ADM2: variants seen among roughly 807,000 people sequenced by gnomAD.
ADM2 encodes adrenomedullin 2.
Under a neutral mutation model 7.1 loss-of-function variants are expected in ADM2, and 5 were observed. That is an observed-to-expected ratio of 0.71 (90% CI 0.37 to 1.49). The LOEUF (loss-of-function observed/expected upper bound fraction) is 1.49. Ranked by LOEUF, ADM2 falls within the 40% of genes most tolerant of loss-of-function variation. ADM2 has a pLI of 0.03. For synonymous variants in ADM2, 123 were observed against 92.8 expected, an observed-to-expected ratio of 1.33 and a Z score of -1.87; for missense variants, 236 against 211.2, an observed-to-expected ratio of 1.12 and a Z score of -0.73.
chr22:50,482,610 C>G lies in ADM2; in HGVS notation c.154C>G (p.His52Asp), dbSNP rs772629657. The G allele has an allele frequency of 4.7e-6, 7 of 1,490,708 alleles. No individual in the cohort carries two copies. The highest frequency in any genetic ancestry group is 1.8e-4 in the Middle Eastern group (1 of 5,568). The allele number at this position is 1,490,708 out of a possible 1,614,324, so 92.3% of individuals were successfully genotyped here. ...RSPSSSLQPR[H>D]PAPRPVVWKL... ...CCCTTCCAGCAGCCTGCAGCCCAGG[C>G]ACCCCGCACCCCGACCTGTGGTCTG... is the stretch of plus-strand genomic sequence containing the variant. Residue 52 changes from histidine (H) to aspartate (D), a missense_variant, in exon 3 of 3, where the codon CAC becomes GAC. His to Asp is a moderately conservative substitution (Grantham distance 81, BLOSUM62 -1). Coordinates refer to ENST00000395737, the MANE Select transcript of ADM2 (RefSeq NM_001253845.2).
Position 50,481,883 on chromosome 22 carries a change from C to A in ADM2, c.36C>A (p.Ile12=), listed in dbSNP as rs374875530. The A allele has an allele frequency of 7.7e-5, 118 of 1,524,262 alleles. No individual in the cohort carries two copies. The highest frequency in any genetic ancestry group is 1.0e-4 in the Non-Finnish European group (115 of 1,140,024). 94.4% of individuals were successfully genotyped at this position (1,524,262 alleles called of 1,614,324 possible). A position where few individuals can be genotyped will look rare whatever the true frequency, so the allele number is the denominator to read the frequency against. The change falls in exon 2 of 3, where the codon ATC becomes ATA. Residue 12 remains isoleucine, a synonymous_variant. Coordinates refer to ENST00000395737, the MANE Select transcript of ADM2 (RefSeq NM_001253845.2). The part of the protein sequence containing the change: ...ARIPTAALGC[I]SLLCLQLPGS... ...TCCCGACGGCCGCCCTGGGTTGCAT[C>A]AGCCTCCTCTGCCTGCAGCTCCCTG...
chr22:50,481,715 A>T lies in ADM2; in HGVS notation c.-60A>T, dbSNP rs1569871. The T allele has an allele frequency of 1.3e-5, 6 of 475,788 alleles. No individual in the cohort carries two copies. Among genetic ancestry groups the T allele is most frequent in the Non-Finnish European group, 2.0e-5 (6 of 292,824 alleles). 29.5% of individuals were successfully genotyped at this position (475,788 alleles called of 1,614,324 possible). On this transcript the variant is annotated 5_prime_UTR_variant, in exon 1 of 3. Transcript: ENST00000395737. ...TGCGCCCCGACGGACGCCCGTGCCC[A>T]GCTTGCCACGCCCACGCCCGGCGCC...
Position 50,483,874 on chromosome 22 carries a change from C to T in ADM2, c.*971C>T, listed in dbSNP as rs1257931404. 1 of 154,600 alleles carries T rather than the reference C, an allele frequency of 6.5e-6. No individual in the cohort carries two copies. The highest frequency in any genetic ancestry group is 1.4e-5 in the Non-Finnish European group (1 of 69,784). The allele number at this position is 154,600 out of a possible 1,614,324, so 9.6% of individuals were successfully genotyped here. On this transcript the variant is annotated 3_prime_UTR_variant, in exon 3 of 3. Coordinates refer to ENST00000395737, the MANE Select transcript of ADM2 (RefSeq NM_001253845.2). ...CGGCGTGCACAGACTTGGTGTGTGT[C>T]CTTCCCTGGGGGGACGGGGGACTCA... is the stretch of plus-strand genomic sequence containing the variant.
Position 50,482,976 on chromosome 22 carries a change from C to G in ADM2, c.*73C>G. 1.3e-6 allele frequency: 2 copies of G among 1,536,282 alleles called. No individual in the cohort carries two copies. ...CCCCGTCCAGAGCTGCAGCTGAGCCCCATCTGAAGCCCAGTCCCTCGGAGC... is the reference window on the plus strand; with the variant it reads ...CCCCGTCCAGAGCTGCAGCTGAGCCGCATCTGAAGCCCAGTCCCTCGGAGC... On this transcript the variant is annotated 3_prime_UTR_variant, in exon 3 of 3. Coordinates refer to ENST00000395737, the MANE Select transcript of ADM2 (RefSeq NM_001253845.2).
rs748462578 is a variant in ADM2 at position 50,482,763 on chromosome 22, G to C, written c.307G>C (p.Ala103Pro). The C allele has an allele frequency of 6.2e-7, 1 of 1,607,818 alleles. No homozygotes were observed. Among genetic ancestry groups the C allele is most frequent in the Non-Finnish European group, 8.5e-7 (1 of 1,178,514 alleles). ...RRHSGPRRTQ[A>P]QLLRVGCVLG... Reference sequence around the variant, plus strand: ...ACACTCGGGCCCCCGCAGGACCCAAGCCCAGCTCCTGCGAGTGGGCTGTGT... The same window carrying C: ...ACACTCGGGCCCCCGCAGGACCCAACCCCAGCTCCTGCGAGTGGGCTGTGT... The change falls in exon 3 of 3, where the codon GCC becomes CCC. Residue 103 changes from alanine (A) to proline (P), a missense_variant. Ala to Pro is a conservative substitution (Grantham distance 27). Transcript: ENST00000395737.
Position 50,483,508 on chromosome 22 carries a change from G to T in ADM2, c.*605G>T. The T allele has an allele frequency of 2.9e-6, 1 of 350,122 alleles. No homozygotes were observed. Among genetic ancestry groups the T allele is most frequent in the Non-Finnish European group, 5.7e-6 (1 of 175,480 alleles). 21.7% of individuals were successfully genotyped at this position (350,122 alleles called of 1,614,324 possible). A position where few individuals can be genotyped will look rare whatever the true frequency, so the allele number is the denominator to read the frequency against. ...CTGGAGCCCAGACCGAGGTGGCCAT[G>T]GAGACTCCACCTGGATCCCCTGTAG... On this transcript the variant is annotated 3_prime_UTR_variant, in exon 3 of 3. Transcript: ENST00000395737.
intron 2 of ADM2, among the ~76,000 whole-genome samples, chr22:50,482,358 G>A (rs1287769079): frequency 1.3e-5 from 2 of 152,150 alleles, no homozygotes; most frequent in Non-Finnish European, 2.9e-5. Context: ...CCGGTTCCCG[G>A]GACACGTGAC....
Position 50,485,271 on chromosome 22 carries a change from C to G in ADM2, c.*2368C>G, listed in dbSNP as rs1011522623. 1 of 152,108 alleles carries G rather than the reference C, an allele frequency of 6.6e-6. No homozygotes were observed. The highest frequency in any genetic ancestry group is 1.5e-5 in the Non-Finnish European group (1 of 68,078). 9.4% of individuals were successfully genotyped at this position (152,108 alleles called of 1,614,324 possible). A position where few individuals can be genotyped will look rare whatever the true frequency, so the allele number is the denominator to read the frequency against. ...CTGAGGCAGGAGAATCGTCTAAGCCCGGGAGGTGGAGGTTGCAGTGAGCCC... is the reference window on the plus strand; with the variant it reads ...CTGAGGCAGGAGAATCGTCTAAGCCGGGGAGGTGGAGGTTGCAGTGAGCCC... On this transcript the variant is annotated 3_prime_UTR_variant, in exon 3 of 3. Coordinates refer to ENST00000395737, the MANE Select transcript of ADM2 (RefSeq NM_001253845.2).
rs770975376 is a variant in ADM2, at chr22:50,482,775, C to T, written c.319C>T (p.Arg107Ter). Residue 107 changes from arginine (R) to a stop codon, truncating the protein, a stop_gained, in exon 3 of 3, where the codon CGA (arginine) becomes TGA (stop). Transcript: ENST00000395737. LOFTEE classifies it high-confidence loss of function. ...GPRRTQAQLL[R>*]VGCVLGTCQV... ...CCGCAGGACCCAAGCCCAGCTCCTG[C>T]GAGTGGGCTGTGTGCTGGGCACCTG... The T allele has an allele frequency of 1.2e-5, 20 of 1,607,362 alleles. No homozygotes were observed. The highest frequency in any genetic ancestry group is 3.3e-4 in the Middle Eastern group (2 of 6,068).
rs1487511974 is a variant in ADM2 at position 50,484,286 on chromosome 22, A to C, written c.*1383A>C. On this transcript the variant is annotated 3_prime_UTR_variant, in exon 3 of 3. Transcript: ENST00000395737. ...GAGGCCTCCGTGCACTGAGAGATGT[A>C]CTAGGATTGCAGCAAAGGTGGTCAG... 2.0e-5 allele frequency: 3 copies of C among 152,798 alleles called. No homozygotes were observed. The highest frequency in any genetic ancestry group is 7.2e-5 in the African/African-American group (3 of 41,462). 9.5% of individuals were successfully genotyped at this position (152,798 alleles called of 1,614,324 possible).
chr22:50,482,754 A>G lies in ADM2; in HGVS notation c.298A>G (p.Arg100Gly). The G allele has an allele frequency of 6.2e-7, 1 of 1,605,942 alleles. No homozygotes were observed. Among genetic ancestry groups the G allele is most frequent in the South Asian group, 1.1e-5 (1 of 90,728 alleles). Residue 100 changes from arginine (R) to glycine (G), a missense_variant, in exon 3 of 3, where the codon AGG becomes GGG. Arg to Gly is a moderately radical substitution (Grantham distance 125). Coordinates refer to ENST00000395737, the MANE Select transcript of ADM2 (RefSeq NM_001253845.2). ...CCCCCGAAGACACTCGGGCCCCCGC[A>G]GGACCCAAGCCCAGCTCCTGCGAGT... ...SGPRRHSGPR[R>G]TQAQLLRVGC... is the part of the protein sequence containing the mutation.
Position 50,483,433 on chromosome 22 carries a change from G to A in ADM2, c.*530G>A. ...CCCGGGGTTGGGCAAGGGAAGGATG[G>A]TGGCCCTCCAGAGGTCATGAAGGGA... On this transcript the variant is annotated 3_prime_UTR_variant, in exon 3 of 3. Transcript: ENST00000395737. The A allele has an allele frequency of 2.7e-6, 1 of 376,808 alleles. No individual in the cohort carries two copies. The highest frequency in any genetic ancestry group is 1.9e-5 in the South Asian group (1 of 52,694). 23.3% of individuals were successfully genotyped at this position (376,808 alleles called of 1,614,324 possible). A position where few individuals can be genotyped will look rare whatever the true frequency, so the allele number is the denominator to read the frequency against.
Position 50,484,703 on chromosome 22 carries a change from G to A in ADM2, c.*1800G>A, listed in dbSNP as rs1275027084. The A allele has an allele frequency of 1.3e-5, 2 of 152,436 alleles. No individual in the cohort carries two copies. Among genetic ancestry groups the A allele is most frequent in the African/African-American group, 2.4e-5 (1 of 41,466 alleles). The allele number at this position is 152,436 out of a possible 1,614,324, so 9.4% of individuals were successfully genotyped here. A position where few individuals can be genotyped will look rare whatever the true frequency, so the allele number is the denominator to read the frequency against. On this transcript the variant is annotated 3_prime_UTR_variant, in exon 3 of 3. Transcript: ENST00000395737. ...GCACCCCGTCTGGGGCCTGCCTGTGGTCAGGGCCAAGTGTTCCCTCCTCCA... is the reference window on the plus strand; with the variant it reads ...GCACCCCGTCTGGGGCCTGCCTGTGATCAGGGCCAAGTGTTCCCTCCTCCA...
chr22:50,483,148 C>T lies in ADM2; in HGVS notation c.*245C>T, dbSNP rs776750250. The T allele has an allele frequency of 1.7e-5, 12 of 712,508 alleles. No individual in the cohort carries two copies. Among genetic ancestry groups the T allele is most frequent in the Non-Finnish European group, 2.3e-5 (9 of 399,462 alleles). The allele number at this position is 712,508 out of a possible 1,614,324, so 44.1% of individuals were successfully genotyped here. On this transcript the variant is annotated 3_prime_UTR_variant, in exon 3 of 3. Coordinates refer to ENST00000395737, the MANE Select transcript of ADM2 (RefSeq NM_001253845.2). ...GGGGACAGCTGCCAGACACAGCTGG[C>T]GGCAGCACCAGATGCTAAGCGCTTC...
Position 50,482,992 on chromosome 22 carries a change from C to T in ADM2, c.*89C>T, listed in dbSNP as rs537686058. 6.5e-7 allele frequency: 1 copy of T among 1,530,506 alleles called. No individual in the cohort carries two copies. Among genetic ancestry groups the T allele is most frequent in the African/African-American group, 1.4e-5 (1 of 72,950 alleles). The allele number at this position is 1,530,506 out of a possible 1,614,324, so 94.8% of individuals were successfully genotyped here. A position where few individuals can be genotyped will look rare whatever the true frequency, so the allele number is the denominator to read the frequency against. On this transcript the variant is annotated 3_prime_UTR_variant, in exon 3 of 3. Transcript: ENST00000395737. Reference sequence around the variant, plus strand: ...AGCTGAGCCCCATCTGAAGCCCAGTCCCTCGGAGCTGCAGACAGCAGGTCC... The same window carrying T: ...AGCTGAGCCCCATCTGAAGCCCAGTTCCTCGGAGCTGCAGACAGCAGGTCC...
In ADM2 at chr22:50,483,169, G is replaced by C. The variant is rs897029059; in HGVS notation, c.*266G>C. ...CTGGCGGCAGCACCAGATGCTAAGCGCTTCAGAGAGGAGGTGTCTGCCCAG... is the reference window on the plus strand; with the variant it reads ...CTGGCGGCAGCACCAGATGCTAAGCCCTTCAGAGAGGAGGTGTCTGCCCAG... On this transcript the variant is annotated 3_prime_UTR_variant, in exon 3 of 3. Coordinates refer to ENST00000395737, the MANE Select transcript of ADM2 (RefSeq NM_001253845.2). 4.5e-6 allele frequency: 3 copies of C among 671,072 alleles called. No individual in the cohort carries two copies. The highest frequency in any genetic ancestry group is 3.5e-5 in the African/African-American group (2 of 56,588). 41.6% of individuals were successfully genotyped at this position (671,072 alleles called of 1,614,324 possible).
rs369519213 is a variant in ADM2, at chr22:50,485,527, A to AC, written c.*2626dup. Reference sequence around the variant, plus strand: ...CTGGCCAGTGCATGCTGAGCACGTGACCTACCCGTGTTGGGACACGTGAGG... The same window carrying AC: ...CTGGCCAGTGCATGCTGAGCACGTGACCCTACCCGTGTTGGGACACGTGAGG... On this transcript the variant is annotated 3_prime_UTR_variant, in exon 3 of 3. Transcript: ENST00000395737. 8 of 152,448 alleles carry AC rather than the reference A, an allele frequency of 5.2e-5. No homozygotes were observed. The highest frequency in any genetic ancestry group is 1.7e-4 in the African/African-American group (7 of 41,548). 9.4% of individuals were successfully genotyped at this position (152,448 alleles called of 1,614,324 possible).
chr22:50,482,649 G>A lies in ADM2; in HGVS notation c.193G>A (p.Ala65Thr), dbSNP rs2148631199. 4 of 1,559,150 alleles carry A rather than the reference G, an allele frequency of 2.6e-6. No homozygotes were observed. Among genetic ancestry groups the A allele is most frequent in the East Asian group, 2.3e-5 (1 of 43,484 alleles). The change falls in exon 3 of 3, where the codon GCC becomes ACC. Residue 65 changes from alanine to threonine, a missense_variant. Transcript: ENST00000395737. ...ACCTGTGGTCTGGAAGCTTCACCGG[G>A]CCCTCCAGGCACAGAGGGGTGCCGG... ...PRPVVWKLHR[A>T]LQAQRGAGLA...
chr22:50,484,787 GT>G lies in ADM2; in HGVS notation c.*1885del, dbSNP rs1274077519. ...AGGAGGCCGCCTGCTGTAACCCTCC[GT>G]GTCGCCTCGGGTGCGAAATCAGACC... On this transcript the variant is annotated 3_prime_UTR_variant, in exon 3 of 3. Coordinates refer to ENST00000395737, the MANE Select transcript of ADM2 (RefSeq NM_001253845.2). 1 of 152,118 alleles carries G rather than the reference GT, an allele frequency of 6.6e-6. No homozygotes were observed. The highest frequency in any genetic ancestry group is 2.4e-5 in the African/African-American group (1 of 41,330). 9.4% of individuals were successfully genotyped at this position (152,118 alleles called of 1,614,324 possible). A position where few individuals can be genotyped will look rare whatever the true frequency, so the allele number is the denominator to read the frequency against.
Sources: allele counts gnomAD v4.1 joint callset (sites outside exome capture counted in the v4.1 genomes callset), GRCh38; gene constraint gnomAD v4.1.1; transcripts MANE v1.5; gene names NCBI Gene and HGNC (gene_info 2026-07-23, HGNC 2026-07-21).